CADPS2: variants seen among roughly 807,000 people sequenced by gnomAD.
CADPS2 encodes the protein calcium dependent secretion activator 2.
In CADPS2, 93 loss-of-function variants were observed where a neutral mutation model predicts 172.5. That is an observed-to-expected ratio of 0.54 (90% CI 0.46 to 0.64). The LOEUF (loss-of-function observed/expected upper bound fraction) is 0.64, where lower values mean the gene tolerates loss of function less well. CADPS2 is among the 30% of genes least tolerant of loss of function. The pLI, the probability that CADPS2 is intolerant of heterozygous loss-of-function variation, is 0.00. For missense variants in CADPS2, 1,420 were observed against 1,565.9 expected (o/e 0.91, Z 1.57); for synonymous variants, 546 against 555.2 (o/e 0.98, Z 0.23).
At chr7:122,606,408 C>T (rs1343764653) in intron 6 of CADPS2, among the ~76,000 whole-genome samples, 1 of 152,132 alleles carries the variant, frequency 6.6e-6, no homozygotes, top group Non-Finnish European at 1.5e-5. Context: ...AGTTGTCTTG[C>T]TTATCCAGGT....
intron 7 of CADPS2, among the ~76,000 whole-genome samples, chr7:122,556,365 G>A (rs1587242331): frequency 6.6e-6 from 1 of 151,960 alleles, no homozygotes; most frequent in Non-Finnish European, 1.5e-5. Context: ...TAATAAGTCT[G>A]GAAAGCTTTT....
At chr7:122,375,694 T>C (rs1215449940) in intron 25 of CADPS2, among the ~76,000 whole-genome samples, 1 of 152,204 alleles carries the variant, frequency 6.6e-6, no homozygotes, top group South Asian at 2.1e-4. Context: ...TTTCTTGACA[T>C]TGGCCGTAGC....
At chr7:122,477,841 T>A (rs190767416) in intron 12 of CADPS2, among the ~76,000 whole-genome samples, 2 of 152,168 alleles carry the variant, frequency 1.3e-5, no homozygotes, top group Admixed American at 1.3e-4. Context: ...TACGATTGTA[T>A]GGATTCTAGT....
intron 15 of CADPS2, among the ~76,000 whole-genome samples, chr7:122,447,427 C>T (rs1196899852): frequency 6.6e-6 from 1 of 151,792 alleles, no homozygotes; most frequent in East Asian, 1.9e-4. Flanking sequence ...CATTTTCTGA[C>T]ATGCTCCAGT....
At chr7:122,405,887 T>G (rs1414830090) in intron 20 of CADPS2, among the ~76,000 whole-genome samples, 1 of 152,220 alleles carries the variant, frequency 6.6e-6, no homozygotes, top group Non-Finnish European at 1.5e-5. Context: ...ATGTGAGTTA[T>G]CATCTTATTT....
chr7:122,388,191 G>T (rs2043918920), intron 23 of CADPS2, among the ~76,000 whole-genome samples: 1 of 152,012 alleles, frequency 6.6e-6, no homozygotes, highest in African/African-American at 2.4e-5. Flanking sequence ...CCTATTTTGA[G>T]TTTACTATGC....
intron 13 of CADPS2, among the ~76,000 whole-genome samples, chr7:122,472,452 G>A (rs1358012807): frequency 6.6e-6 from 1 of 152,096 alleles, no homozygotes; most frequent in Non-Finnish European, 1.5e-5. Context: ...GGGATGTTAA[G>A]TGAATTGTCC....
At chr7:122,883,827 G>C (rs1823578142) in intron 1 of CADPS2, among the ~76,000 whole-genome samples, 1 of 152,074 alleles carries the variant, frequency 6.6e-6, no homozygotes, top group African/African-American at 2.4e-5. Flanking sequence ...AAATTCCTAA[G>C]GATTCTATTT....
At chr7:122,369,733 A>G (rs1392529199) in intron 25 of CADPS2, 5 of 152,204 alleles carry the variant, frequency 3.3e-5, no homozygotes, top group Admixed American at 3.3e-4. Context: ...TCTAGGAATG[A>G]TACTAACATT....
chr7:122,624,796 G>A (rs962456304), intron 4 of CADPS2, among the ~76,000 whole-genome samples: 2 of 152,168 alleles, frequency 1.3e-5, no homozygotes, highest in African/African-American at 4.8e-5. Flanking sequence ...TTCCCTGAGT[G>A]TCTGCTATGT....
intron 29 of CADPS2, among the ~76,000 whole-genome samples, chr7:122,324,987 T>C (rs1193678826): frequency 6.6e-6 from 1 of 152,104 alleles, no homozygotes; most frequent in Non-Finnish European, 1.5e-5. Context: ...TCAAACTGAT[T>C]ACCTTTTACA....
chr7:122,805,694 G>A (rs1417188952), intron 1 of CADPS2, among the ~76,000 whole-genome samples: 1 of 152,126 alleles, frequency 6.6e-6, no homozygotes, highest in Non-Finnish European at 1.5e-5. Context: ...ACAGCAGAGG[G>A]TCTCTGAATG....
intron 11 of CADPS2, among the ~76,000 whole-genome samples, chr7:122,488,490 G>T (rs1241988165): frequency 6.6e-6 from 1 of 152,208 alleles, no homozygotes; most frequent in Non-Finnish European, 1.5e-5. Flanking sequence ...GAATTCATAG[G>T]TGTCTGGAGT....
intron 1 of CADPS2, among the ~76,000 whole-genome samples, chr7:122,744,954 T>C (rs2092658288): frequency 6.9e-6 from 1 of 145,066 alleles, no homozygotes; most frequent in Non-Finnish European, 1.5e-5. Flanking sequence ...CTACATTCCA[T>C]GTACATCTCA....
chr7:122,486,712 C>A (rs559667750), intron 11 of CADPS2, among the ~76,000 whole-genome samples: 1 of 152,230 alleles, frequency 6.6e-6, no homozygotes, highest in South Asian at 2.1e-4. Context: ...CTACTTTGGG[C>A]AAAATGATAG....
chr7:122,346,146 C>T (rs193225183), intron 27 of CADPS2, among the ~76,000 whole-genome samples: 261 of 151,960 alleles, frequency 1.7e-3, no homozygotes, highest in African/African-American at 5.7e-3. Context: ...GCAGGTGGAT[C>T]GCTTGGGCCC....
intron 9 of CADPS2, among the ~76,000 whole-genome samples, chr7:122,494,810 G>A (rs1047168882): frequency 2.0e-5 from 3 of 151,752 alleles, no homozygotes; most frequent in African/African-American, 7.3e-5. Flanking sequence ...TCATCTTACA[G>A]ACAGTCAAAT....
chr7:122,583,774 C>CAT (rs1470139816), intron 6 of CADPS2, among the ~76,000 whole-genome samples: 2 of 151,004 alleles, frequency 1.3e-5, no homozygotes, highest in Admixed American at 6.6e-5. Flanking sequence ...ATAACAATAT[C>CAT]ATATACATAA....
At chr7:122,520,598 T>C (rs1250701507) in intron 8 of CADPS2, among the ~76,000 whole-genome samples, 2 of 152,080 alleles carry the variant, frequency 1.3e-5, no homozygotes, top group African/African-American at 4.8e-5. Context: ...AAGACATAGC[T>C]AATATTCTCT....
Sources: gnomAD v4.1 joint callset for allele counts (sites outside exome capture counted in the v4.1 genomes callset) on GRCh38, gnomAD v4.1.1 for gene constraint, MANE v1.5 for transcripts, NCBI Gene and HGNC (gene_info 2026-07-23, HGNC 2026-07-21) for gene names.